Variants in ITGAD observed in about 807,000 individuals in gnomAD.
ITGAD encodes the protein integrin alpha-D.
In ITGAD, 105 loss-of-function variants were observed where a neutral mutation model predicts 139.0. The ratio of observed to expected loss-of-function variants is 0.76; its 90% CI spans 0.65 to 0.89. ITGAD has a LOEUF of 0.89. Ranked by LOEUF, ITGAD falls within the 40% of genes least tolerant of loss-of-function variation. The pLI is 0.00. For synonymous variants in ITGAD, 569 were observed against 598.3 expected (o/e 0.95, Z 0.71); for missense variants, 1,384 against 1,487.3 (o/e 0.93, Z 1.14).
At position 31,423,323 on chromosome 16, in the gene ITGAD, C is replaced by A. The variant is rs754890751; in HGVS notation, c.2860-29C>A. On this transcript the variant is annotated intron_variant, in intron 24 of 29. Transcript: ENST00000389202. ...AGGATTTGGAAGGCTCCAGAGACCA[C>A]AATAACACTCTGCCTTGATTTCCTG... The A allele has an allele frequency of 7.5e-6, 12 of 1,605,280 alleles. No homozygotes were observed. In the Admixed American group the frequency reaches 2.0e-4, roughly 27 times the overall value.
At chr16:31,420,251 C>T (rs747612664) in intron 23 of ITGAD, among the ~76,000 whole-genome samples, 64 of 152,090 alleles carry the variant, frequency 4.2e-4, no homozygotes, top group Non-Finnish European at 2.1e-4. Flanking sequence ...CTGGCCAAGG[C>T]AGCGCAGGAA....
At chr16:31,395,761 G>A (rs11150622) in intron 2 of ITGAD, among the ~76,000 whole-genome samples, 1 of 152,164 alleles carries the variant, frequency 6.6e-6, no homozygotes, top group East Asian at 1.9e-4. Flanking sequence ...CGCAGGCAGG[G>A]AGAGAGCAGA....
At chr16:31,414,250 T>TCCATCCATCCATCCAC (rs1597146428) in intron 16 of ITGAD, among the ~76,000 whole-genome samples, 1 of 141,068 alleles carries the variant, frequency 7.1e-6, no homozygotes, top group East Asian at 1.9e-4. Context: ...TATCTAGCCA[T>TCCATCCATCCATCCAC]CCATCCATCC....
chr16:31,418,703 A>C lies in ITGAD; in HGVS notation c.2780+139A>C, dbSNP rs894569027. 8.5e-6 allele frequency: 6 copies of C among 702,400 alleles called. No homozygotes were observed. The African/African-American group carries it at 1.1e-4, about 12-fold the overall frequency. The allele number at this position is 702,400 out of a possible 1,614,324, so 43.5% of individuals were successfully genotyped here. A position where few individuals can be genotyped will look rare whatever the true frequency, so the allele number is the denominator to read the frequency against. The stretch of plus-strand genomic sequence containing the variant: ...GATGCCTTTGTGGGTGAATGGCCAT[A>C]TATAATGACATTTATGCTGCATAAA... On this transcript the variant is annotated intron_variant, in intron 23 of 29. Coordinates refer to ENST00000389202, the MANE Select transcript of ITGAD (RefSeq NM_005353.3).
At chr16:31,406,201 A>C (rs2081537055) in intron 7 of ITGAD, among the ~76,000 whole-genome samples, 1 of 151,882 alleles carries the variant, frequency 6.6e-6, no homozygotes, top group Non-Finnish European at 1.5e-5. Flanking sequence ...CAGCCTCCTG[A>C]GTAGCTGGGA....
intron 7 of ITGAD, chr16:31,404,152 AG>A (rs1331321987): frequency 1.3e-5 from 2 of 156,944 alleles, no homozygotes; most frequent in African/African-American, 4.8e-5. Context: ...TCAGGGACTC[AG>A]GAATTGTCAC....
chr16:31,397,758 T>C (rs750563076), intron 4 of ITGAD, 37 bp from the exon 5 acceptor site: 9 of 1,601,238 alleles, frequency 5.6e-6, no homozygotes, highest in Non-Finnish European at 7.7e-6. Flanking sequence ...GAGGAGGGGC[T>C]GCTAGGGACT....
intron 18 of ITGAD, among the ~76,000 whole-genome samples, chr16:31,415,222 C>G (rs2081854170): frequency 6.6e-6 from 1 of 151,952 alleles, no homozygotes. Flanking sequence ...CCCCTCGATT[C>G]TCTCCCACCT....
chr16:31,426,111 A>C lies in ITGAD; in HGVS notation c.3469A>C (p.Asn1157His), dbSNP rs1245349842. Residue 1157 changes from asparagine (N) to histidine (H), a missense_variant, in exon 30 of 30, where the codon AAT becomes CAT. By Grantham distance (68) the Asn-to-His change is moderately conservative (BLOSUM62 1). Coordinates refer to ENST00000389202, the MANE Select transcript of ITGAD (RefSeq NM_005353.3). ...SGDDFSCVAP[N>H]VPLS Reference sequence around the variant, plus strand: ...GGACGATTTCAGCTGTGTGGCCCCAAATGTGCCTTTGTCCTAATAATCCAC... The same window carrying C: ...GGACGATTTCAGCTGTGTGGCCCCACATGTGCCTTTGTCCTAATAATCCAC... 1.9e-6 allele frequency: 3 copies of C among 1,610,472 alleles called. No individual in the cohort carries two copies. The African/African-American group carries it at 4.0e-5, about 22-fold the overall frequency.
Position 31,426,147 on chromosome 16 carries a change from A to ATC in ITGAD, c.*23_*24dup. 1 of 1,501,638 alleles carries ATC rather than the reference A, an allele frequency of 6.7e-7. No individual in the cohort carries two copies. The allele number at this position is 1,501,638 out of a possible 1,614,324, so 93.0% of individuals were successfully genotyped here. On this transcript the variant is annotated 3_prime_UTR_variant, in exon 30 of 30. Transcript: ENST00000389202. Reference sequence around the variant, plus strand: ...GTCCTAATAATCCACTTTCCTGTTTATCTCTACCACTGTGGGCTGGACTTG... The same window carrying ATC: ...GTCCTAATAATCCACTTTCCTGTTTATCTCTCTACCACTGTGGGCTGGACTTG...
At chr16:31,399,758 G>A (rs1385989563) in intron 5 of ITGAD, among the ~76,000 whole-genome samples, 1 of 152,214 alleles carries the variant, frequency 6.6e-6, no homozygotes, top group Non-Finnish European at 1.5e-5. Flanking sequence ...GGGGGTGTGG[G>A]TCCAAGTAGA....
At chr16:31,423,221 C>A (rs1190686055) in intron 24 of ITGAD, 29 bp downstream of exon 24, 1 of 1,603,072 alleles carries the variant, frequency 6.2e-7, no homozygotes, top group East Asian at 2.2e-5. Context: ...TCCATGTCTG[C>A]CTTCCACGTT....
rs773346004 is a variant in ITGAD, at chr16:31,411,309, G to A, written c.1499G>A (p.Arg500Lys). The change falls in exon 14 of 30, where the codon AGG (arginine) becomes AAG (lysine). Residue 500 changes from arginine to lysine, a missense_variant and splice_region_variant. Physicochemically the swap from Arg to Lys is conservative, Grantham distance 26. Transcript: ENST00000389202. Reference protein sequence around the residue: ...QVSVCPLPRGRVQWQCDAVLR... With the variant: ...QVSVCPLPRGKVQWQCDAVLR... The stretch of plus-strand genomic sequence containing the variant: ...TCTGACACTGCTTGTGTTCAGCAGA[G>A]GGTGCAGTGGCAGTGTGACGCTGTT... The A allele has an allele frequency of 1.2e-6, 2 of 1,611,630 alleles. No homozygotes were observed. Among genetic ancestry groups the A allele is most frequent in the South Asian group, 2.2e-5 (2 of 90,994 alleles).
chr16:31,410,606 G>A lies in ITGAD; in HGVS notation c.1213+82G>A, dbSNP rs954679502. On this transcript the variant is annotated intron_variant, in intron 11 of 29. Coordinates refer to ENST00000389202, the MANE Select transcript of ITGAD (RefSeq NM_005353.3). ...CCAGGGTTCTGGGGAGGGGGGATGG[G>A]CGCTGTGCTGCCTGGGGTGGGTTCC... 3.1e-6 allele frequency: 5 copies of A among 1,588,372 alleles called. No individual in the cohort carries two copies. The African/African-American group carries it at 5.4e-5, about 17-fold the overall frequency.
At position 31,414,940 on chromosome 16, in the gene ITGAD, G is replaced by T. The variant is rs559849351; in HGVS notation, c.2232G>T (p.Gln744His). ...TGAGAGAGCCCATCCCCTCCCCCCA[G>T]AACCTGCGTCCTGTGCTGGCCGTGG... Reference protein sequence around the residue: ...SLVREPIPSPQNLRPVLAVGS... With the variant: ...SLVREPIPSPHNLRPVLAVGS... The change falls in exon 18 of 30, where the codon CAG (glutamine) becomes CAT (histidine). Residue 744 changes from glutamine to histidine, a missense_variant. Gln to His is a conservative substitution (Grantham distance 24). Transcript: ENST00000389202. 1 of 1,614,126 alleles carries T rather than the reference G, an allele frequency of 6.2e-7. No individual in the cohort carries two copies. The highest frequency in any genetic ancestry group is 8.5e-7 in the Non-Finnish European group (1 of 1,180,012).
chr16:31,393,657 C>G (rs1455799822), intron 1 of ITGAD, among the ~76,000 whole-genome samples: 1 of 152,100 alleles, frequency 6.6e-6, no homozygotes, highest in Non-Finnish European at 1.5e-5. Context: ...CATGGAGTCC[C>G]TGGTGTGGGT....
At chr16:31,423,678 A>T in intron 26 of ITGAD, 30 bp downstream of exon 26, 1 of 1,596,142 alleles carries the variant, frequency 6.3e-7, no homozygotes, top group Non-Finnish European at 8.6e-7. Flanking sequence ...CCCACCGCCA[A>T]GATCAGCCCC....
intron 2 of ITGAD, among the ~76,000 whole-genome samples, chr16:31,396,091 C>T (rs905676009): frequency 6.6e-5 from 10 of 152,158 alleles, no homozygotes; most frequent in Admixed American, 3.3e-4. Context: ...ACAGGGCTGC[C>T]GTGGACCCCT....
chr16:31,419,203 A>C (rs975632477), intron 23 of ITGAD, among the ~76,000 whole-genome samples: 15 of 152,164 alleles, frequency 9.9e-5, no homozygotes, highest in African/African-American at 3.6e-4. Flanking sequence ...AAACAAAAAA[A>C]AAAAAAAAAG....
Sources: gnomAD v4.1 joint callset for allele counts (sites outside exome capture counted in the v4.1 genomes callset) on GRCh38, gnomAD v4.1.1 for gene constraint, MANE v1.5 for transcripts, NCBI Gene and HGNC (gene_info 2026-07-23, HGNC 2026-07-21) for gene names.